The following CHD6 variants were observed in gnomAD, a reference collection of about 807,000 sequenced individuals.
CHD6 encodes ATP-dependent chromatin remodeler CHD6.
Under a neutral mutation model 276.9 loss-of-function variants are expected in CHD6, and 50 were observed. That is an observed-to-expected ratio of 0.18 (90% CI 0.14 to 0.23). The LOEUF is 0.23. CHD6 is among the 10% of genes least tolerant of loss of function. CHD6 has a pLI of 1.00. For missense variants in CHD6, 2,564 were observed against 3,365.8 expected (o/e 0.76, Z 5.89); for synonymous variants, 1,173 against 1,229.3 (o/e 0.95, Z 0.96).
intron 17 of CHD6, among the ~76,000 whole-genome samples, chr20:41,469,155 TC>T (rs1468948262): frequency 6.6e-6 from 1 of 152,238 alleles, no homozygotes; most frequent in South Asian, 2.1e-4. Flanking sequence ...CACTCTGGAC[TC>T]CCAACTGACT....
At chr20:41,546,954 G>A (rs562951219) in intron 2 of CHD6, among the ~76,000 whole-genome samples, 5 of 152,232 alleles carry the variant, frequency 3.3e-5, no homozygotes, top group South Asian at 2.1e-4. Context: ...TAAGAAGCAC[G>A]ATTATTTATT....
Position 41,491,779 on chromosome 20 carries a change from G to A in CHD6, c.1355C>T (p.Ser452Phe), listed in dbSNP as rs1370589979. The A allele has an allele frequency of 1.2e-6, 2 of 1,613,762 alleles. No individual in the cohort carries two copies. The highest frequency in any genetic ancestry group is 1.7e-6 in the Non-Finnish European group (2 of 1,179,862). Residue 452 changes from serine (S) to phenylalanine (F), a missense_variant, in exon 11 of 37, where the codon TCT (serine) becomes TTT (phenylalanine). Coordinates refer to ENST00000373233, the MANE Select transcript of CHD6 (RefSeq NM_032221.5). ...CTGGTTACTGTTCTTATACTCGCGA[G>A]ACTTCTCAAGTTTCTGCCAGGAGTC... ...ASDSWQKLEK[S>F]REYKNSNQLR...
chr20:41,404,811 G>A lies in CHD6; in HGVS notation c.7930C>T (p.His2644Tyr). The A allele has an allele frequency of 4.3e-6, 7 of 1,613,842 alleles. No homozygotes were observed. The highest frequency in any genetic ancestry group is 5.9e-6 in the Non-Finnish European group (7 of 1,179,844). Residue 2644 changes from histidine to tyrosine, a missense_variant, in exon 37 of 37, where the codon CAC becomes TAC. Coordinates refer to ENST00000373233, the MANE Select transcript of CHD6 (RefSeq NM_032221.5). ...CTCTCCAGACCTACTATTTCCGAGT[G>A]TCTGGCCTGCTGCATGGCTGGCAGA... ...MALPAMQQAR[H>Y]SEIVGLESQK...
At chr20:41,497,920 C>T in intron 7 of CHD6, 1 of 482,776 alleles carries the variant, frequency 2.1e-6, no homozygotes, top group South Asian at 2.8e-5. Context: ...ATCCTTGGGC[C>T]CCACTGAGTC....
At position 41,491,761 on chromosome 20, in the gene CHD6, C is replaced by T; in HGVS notation, c.1373G>A (p.Ser458Asn). 6.2e-7 allele frequency: 1 copy of T among 1,613,876 alleles called. No individual in the cohort carries two copies. The highest frequency in any genetic ancestry group is 8.5e-7 in the Non-Finnish European group (1 of 1,179,838). Residue 458 changes from serine (S) to asparagine (N), a missense_variant, in exon 11 of 37, where the codon AGT becomes AAT. By Grantham distance (46) the Ser-to-Asn change is conservative. This residue lies in a region of CHD6 where 457 missense variants were observed against 889.0 expected (regional missense o/e 0.51). Coordinates refer to ENST00000373233, the MANE Select transcript of CHD6 (RefSeq NM_032221.5). Reference sequence around the variant, plus strand: ...CAGCTGGTACTCCCGGAGCTGGTTACTGTTCTTATACTCGCGAGACTTCTC... The same window carrying T: ...CAGCTGGTACTCCCGGAGCTGGTTATTGTTCTTATACTCGCGAGACTTCTC... The part of the protein sequence containing the change: ...KLEKSREYKN[S>N]NQLREYQLEG...
chr20:41,534,283 T>C (rs2044769715), intron 2 of CHD6, among the ~76,000 whole-genome samples: 1 of 152,212 alleles, frequency 6.6e-6, no homozygotes, highest in African/African-American at 2.4e-5. Flanking sequence ...GTTACAATCA[T>C]CTTTGCATGA....
At chr20:41,617,945 C>T (rs2045950774) in intron 1 of CHD6, among the ~76,000 whole-genome samples, 2 of 146,598 alleles carry the variant, frequency 1.4e-5, no homozygotes, top group Non-Finnish European at 3.0e-5. Flanking sequence ...CCGCGCCCGC[C>T]CCGGGGGGGG....
chr20:41,533,202 C>T lies in CHD6; in HGVS notation c.402G>A (p.Lys134=). ...PKEPKEPRKA[K]EPKKAKEHKE... The stretch of plus-strand genomic sequence containing the variant: ...TGTGCTCCTTGGCCTTCTTCGGCTC[C>T]TTGGCCTTTCTGGGTTCCTTTGGCT... The change falls in exon 3 of 37, where the codon AAG becomes AAA. Residue 134 remains lysine, a synonymous_variant. Coordinates refer to ENST00000373233, the MANE Select transcript of CHD6 (RefSeq NM_032221.5). 1 of 1,613,828 alleles carries T rather than the reference C, an allele frequency of 6.2e-7. No individual in the cohort carries two copies. The highest frequency in any genetic ancestry group is 2.2e-5 in the East Asian group (1 of 44,880).
At chr20:41,519,895 A>G (rs1451606878) in intron 3 of CHD6, among the ~76,000 whole-genome samples, 1 of 152,226 alleles carries the variant, frequency 6.6e-6, no homozygotes, top group Non-Finnish European at 1.5e-5. Flanking sequence ...CAACCTACAG[A>G]ATGGGAGAAA....
In CHD6 at chr20:41,402,187, T is replaced by C; in HGVS notation, c.*2406A>G. 1 of 214,168 alleles carries C rather than the reference T, an allele frequency of 4.7e-6. No individual in the cohort carries two copies. The highest frequency in any genetic ancestry group is 9.4e-6 in the Non-Finnish European group (1 of 106,074). The allele number at this position is 214,168 out of a possible 1,614,324, so 13.3% of individuals were successfully genotyped here. A position where few individuals can be genotyped will look rare whatever the true frequency, so the allele number is the denominator to read the frequency against. ...GGTCAAGGAAAGTTATGGCCGTGAG[T>C]GACATGGAATTAGATGAAAAGGCTC... On this transcript the variant is annotated 3_prime_UTR_variant, in exon 37 of 37. Transcript: ENST00000373233.
rs370604161 is a variant in CHD6 at position 41,421,716 on chromosome 20, T to A, written c.4919A>T (p.Tyr1640Phe). 6.2e-7 allele frequency: 1 copy of A among 1,614,066 alleles called. No homozygotes were observed. The highest frequency in any genetic ancestry group is 8.5e-7 in the Non-Finnish European group (1 of 1,180,032). The change falls in exon 31 of 37, where the codon TAT (tyrosine) becomes TTT (phenylalanine). Residue 1640 changes from tyrosine to phenylalanine, a missense_variant. This residue lies in a region of CHD6 where 1,024 missense variants were observed against 1,047.9 expected (regional missense o/e 0.98). Transcript: ENST00000373233. Reference protein sequence around the residue: ...CCLYQTNSKLYESLTYSQMSR... With the variant: ...CCLYQTNSKLFESLTYSQMSR... ...CATTTGAGAATATGTAAGAGATTCATATAACTTGGAGTTGGTCTGGTAAAG... is the reference window on the plus strand; with the variant it reads ...CATTTGAGAATATGTAAGAGATTCAAATAACTTGGAGTTGGTCTGGTAAAG...
intron 1 of CHD6, among the ~76,000 whole-genome samples, chr20:41,572,596 C>T (rs1189420837): frequency 6.6e-6 from 1 of 152,172 alleles, no homozygotes; most frequent in Non-Finnish European, 1.5e-5. Context: ...TTAACAGGGC[C>T]TTCCCAATGC....
rs11373605 is a variant in CHD6, at chr20:41,571,389, A to ATT, written c.-23-20031_-23-20030dup. 3.1e-3 allele frequency among the ~76,000 whole-genome samples: 408 copies of ATT among 129,952 alleles called. 7 individuals are homozygous for ATT. The highest frequency in any genetic ancestry group is 0.012 in the African/African-American group (387 of 33,372). 85.3% of individuals were successfully genotyped at this position (129,952 alleles called of 152,430 possible). On this transcript the variant is annotated intron_variant, in intron 1 of 36. Coordinates refer to ENST00000373233, the MANE Select transcript of CHD6 (RefSeq NM_032221.5). ...CAAAAGAAAGGAAGTCTGGCCATTAATTTTTTTTTTTTTTTTTTTTTTAGA... is the reference window on the plus strand; with the variant it reads ...CAAAAGAAAGGAAGTCTGGCCATTAATTTTTTTTTTTTTTTTTTTTTTTTAGA...
rs371285188 is a variant in CHD6, at chr20:41,551,399, A to G, written c.-23-39T>C. 74 of 934,434 alleles carry G rather than the reference A, an allele frequency of 7.9e-5. No individual in the cohort carries two copies. In the African/African-American group the frequency reaches 8.5e-4, roughly 11 times the overall value. 57.9% of individuals were successfully genotyped at this position (934,434 alleles called of 1,614,324 possible). On this transcript the variant is annotated intron_variant, in intron 1 of 36. Coordinates refer to ENST00000373233, the MANE Select transcript of CHD6 (RefSeq NM_032221.5). ...TTAAAAAGGCAAAGATTATGACAAA[A>G]CCCAAAATAAAACATTTTCAACATC...
At chr20:41,479,579 T>C (rs1753802974) in intron 16 of CHD6, among the ~76,000 whole-genome samples, 1 of 151,540 alleles carries the variant, frequency 6.6e-6, no homozygotes, top group South Asian at 2.1e-4. Flanking sequence ...GAAAGACAGA[T>C]ACAAACAAAT....
Position 41,421,295 on chromosome 20 carries a change from C to A in CHD6, c.5340G>T (p.Leu1780Phe), listed in dbSNP as rs1489300931. 6.2e-7 allele frequency: 1 copy of A among 1,614,122 alleles called. No homozygotes were observed. Among genetic ancestry groups the A allele is most frequent in the Non-Finnish European group, 8.5e-7 (1 of 1,179,994 alleles). Residue 1780 changes from leucine (L) to phenylalanine (F), a missense_variant, in exon 31 of 37, where the codon TTG becomes TTT. Leu to Phe is a conservative substitution (Grantham distance 22). Transcript: ENST00000373233. Reference protein sequence around the residue: ...AQANIKNGKHLLMSISKEGEL... With the variant: ...AQANIKNGKHFLMSISKEGEL... ...CCCCTTCCTTTGAAATAGACATCAACAAATGTTTTCCATTTTTGATGTTTG... is the reference window on the plus strand; with the variant it reads ...CCCCTTCCTTTGAAATAGACATCAAAAAATGTTTTCCATTTTTGATGTTTG...
Position 41,499,281 on chromosome 20 carries a change from C to T in CHD6, c.915+14G>A. The stretch of plus-strand genomic sequence containing the variant: ...GTGCTAATGATATAAAAGCTAGAAA[C>T]ATGAGCCACCAACCTCCTGGACAGT... On this transcript the variant is annotated intron_variant, in intron 6 of 36. Coordinates refer to ENST00000373233, the MANE Select transcript of CHD6 (RefSeq NM_032221.5). 6.3e-7 allele frequency: 1 copy of T among 1,593,714 alleles called. No individual in the cohort carries two copies. Among genetic ancestry groups the T allele is most frequent in the East Asian group, 2.3e-5 (1 of 44,416 alleles).
rs753989340 is a variant in CHD6, at chr20:41,497,473, T to C, written c.1003A>G (p.Met335Val). ...CGAGGATCCTTTTCGAGCTCTTCCA[T>C]TGTGGCCCATTTACAATGTAAGTAG... ...FSYLHCKWAT[M>V]EELEKDPRIA... The change falls in exon 8 of 37, where the codon ATG becomes GTG. Residue 335 changes from methionine (M) to valine (V), a missense_variant. Transcript: ENST00000373233. 82 of 1,613,674 alleles carry C rather than the reference T, an allele frequency of 5.1e-5. No individual in the cohort carries two copies. Among genetic ancestry groups the C allele is most frequent in the Non-Finnish European group, 6.8e-5 (80 of 1,179,620 alleles).
chr20:41,555,012 G>GAC (rs1372218192), intron 1 of CHD6, among the ~76,000 whole-genome samples: 1 of 148,560 alleles, frequency 6.7e-6, no homozygotes, highest in Non-Finnish European at 1.5e-5. Flanking sequence ...GCGGGGGGCT[G>GAC]ACCCCCCCAC....
Sources: allele counts gnomAD v4.1 joint callset (sites outside exome capture counted in the v4.1 genomes callset), GRCh38; gene constraint gnomAD v4.1.1; regional missense constraint gnomAD v4.1.1; transcripts MANE v1.5; gene names NCBI Gene and HGNC (gene_info 2026-07-23, HGNC 2026-07-21).